CACNB4: variants seen among roughly 807,000 people sequenced by gnomAD.
CACNB4 encodes the protein calcium voltage-gated channel auxiliary subunit beta 4, also known as voltage-dependent L-type calcium channel subunit beta-4.
Under a neutral mutation model 71.2 loss-of-function variants are expected in CACNB4, and 32 were observed. The ratio of observed to expected loss-of-function variants is 0.45; its 90% CI spans 0.34 to 0.60. The LOEUF (loss-of-function observed/expected upper bound fraction) is 0.60. Ranked by LOEUF, CACNB4 falls within the 20% of genes least tolerant of loss-of-function variation. The pLI is 0.01. For missense variants in CACNB4, 464 were observed against 647.9 expected (o/e 0.72, Z 3.08); for synonymous variants, 231 against 236.9 (o/e 0.97, Z 0.23).
chr2:151,952,634 C>T (rs1418656915), intron 2 of CACNB4, among the ~76,000 whole-genome samples: 1 of 152,104 alleles, frequency 6.6e-6, no homozygotes, highest in Non-Finnish European at 1.5e-5. Context: ...ATAATGGGAC[C>T]CGAGAAGCAG....
At chr2:151,937,563 C>G (rs892399683) in intron 2 of CACNB4, among the ~76,000 whole-genome samples, 2 of 152,136 alleles carry the variant, frequency 1.3e-5, no homozygotes, top group Admixed American at 1.3e-4. Flanking sequence ...GGTACCAGCT[C>G]AGAAATCAGA....
At chr2:151,971,858 C>A in intron 2 of CACNB4, 1 of 482,756 alleles carries the variant, frequency 2.1e-6, no homozygotes, top group Non-Finnish European at 3.8e-6. Context: ...TGCCCAACTC[C>A]ACTCCTCATG....
At chr2:151,845,658 G>C (rs1302320164) in intron 12 of CACNB4, among the ~76,000 whole-genome samples, 1 of 152,244 alleles carries the variant, frequency 6.6e-6, no homozygotes, top group African/African-American at 2.4e-5. Flanking sequence ...ATCAGCAGAA[G>C]TCCCGGGCAG....
chr2:151,962,290 T>C (rs1339329340), intron 2 of CACNB4, among the ~76,000 whole-genome samples: 2 of 152,226 alleles, frequency 1.3e-5, no homozygotes, highest in Non-Finnish European at 2.9e-5. Context: ...TTACTAGCCA[T>C]GGGGGTACAG....
intron 2 of CACNB4, chr2:151,973,820 G>A: frequency 6.6e-7 from 1 of 1,518,718 alleles, no homozygotes. Context: ...AACTGCGCCT[G>A]CCTTATCAAT....
intron 4 of CACNB4, among the ~76,000 whole-genome samples, chr2:151,876,921 A>G (rs1474487539): frequency 6.8e-6 from 1 of 146,868 alleles, no homozygotes; most frequent in Non-Finnish European, 1.5e-5. Context: ...GTATATATGT[A>G]TATATCTATA....
intron 2 of CACNB4, among the ~76,000 whole-genome samples, chr2:151,919,792 G>T (rs1428271022): frequency 1.3e-5 from 2 of 152,102 alleles, no homozygotes; most frequent in Non-Finnish European, 2.9e-5. Flanking sequence ...AAATCATTAA[G>T]ACTGGATCCA....
rs554661000 is a variant in CACNB4, at chr2:152,080,324, T to C, written c.147+18006A>G. 3.3e-5 allele frequency among the ~76,000 whole-genome samples: 5 copies of C among 152,234 alleles called. No homozygotes were observed. The South Asian group carries it at 8.3e-4, about 25-fold the overall frequency. On this transcript the variant is annotated intron_variant, in intron 2 of 13. Coordinates refer to ENST00000539935, the MANE Select transcript of CACNB4 (RefSeq NM_000726.5). ...TTTTAGTAGAGACAGGGTTTCACTA[T>C]GTTAGTCAGGATGGTCTTGAACTCC...
intron 12 of CACNB4, among the ~76,000 whole-genome samples, chr2:151,847,833 C>T (rs987532120): frequency 1.3e-5 from 2 of 152,156 alleles, no homozygotes; most frequent in African/African-American, 2.4e-5. Context: ...CTGCAGTGAG[C>T]TCCGATCGCG....
At chr2:151,855,830 C>T (rs547500088) in intron 10 of CACNB4, among the ~76,000 whole-genome samples, 176 of 152,256 alleles carry the variant, frequency 1.2e-3, no homozygotes, top group African/African-American at 4.0e-3. Context: ...GGACATGCTT[C>T]TTTTAAAAAA....
chr2:151,897,571 G>C (rs1379908065), intron 2 of CACNB4, among the ~76,000 whole-genome samples: 1 of 152,188 alleles, frequency 6.6e-6, no homozygotes, highest in Non-Finnish European at 1.5e-5. Context: ...AAGTCTGACA[G>C]AGAAGCTATA....
intron 9 of CACNB4, chr2:151,861,028 A>C (rs949942603): frequency 5.6e-6 from 3 of 533,720 alleles, no homozygotes; most frequent in Non-Finnish European, 9.8e-6. Flanking sequence ...ACTGTTTCAC[A>C]CACAAAAAAA....
chr2:152,079,191 C>T (rs1687205524), intron 2 of CACNB4, among the ~76,000 whole-genome samples: 1 of 152,060 alleles, frequency 6.6e-6, no homozygotes, highest in Admixed American at 6.6e-5. Context: ...CAGGTTCACG[C>T]CATTCTCCTG....
intron 2 of CACNB4, among the ~76,000 whole-genome samples, chr2:151,921,998 T>C (rs1426529041): frequency 6.6e-6 from 1 of 152,116 alleles, no homozygotes; most frequent in Non-Finnish European, 1.5e-5. Context: ...CTCAGGTAGT[T>C]CTTTATAGCA....
intron 9 of CACNB4, chr2:151,867,458 T>C (rs1300999561): frequency 6.6e-6 from 1 of 152,236 alleles, no homozygotes; most frequent in Non-Finnish European, 1.5e-5. Context: ...ATTGTGGTTA[T>C]TGGAGAAATG....
At chr2:152,067,388 T>TGTG (rs879788448) in intron 2 of CACNB4, among the ~76,000 whole-genome samples, 2 of 137,150 alleles carry the variant, frequency 1.5e-5, no homozygotes, top group African/African-American at 5.8e-5. Context: ...TGTGTGTGTG[T>TGTG]GGGGGGGGGG....
chr2:151,937,063 T>C (rs779420859), intron 2 of CACNB4, among the ~76,000 whole-genome samples: 3 of 152,228 alleles, frequency 2.0e-5, no homozygotes, highest in Non-Finnish European at 4.4e-5. Flanking sequence ...TCAGTAGTCA[T>C]GGAAAAGGCA....
At chr2:151,867,291 A>G (rs1435671980) in intron 9 of CACNB4, 1 of 152,250 alleles carries the variant, frequency 6.6e-6, no homozygotes, top group Non-Finnish European at 1.5e-5. Context: ...AGGGACCTGC[A>G]TGAGGGTTAG....
chr2:151,984,660 T>C (rs1681235944), intron 2 of CACNB4, among the ~76,000 whole-genome samples: 1 of 152,126 alleles, frequency 6.6e-6, no homozygotes, highest in Non-Finnish European at 1.5e-5. Context: ...GATGGTTGTG[T>C]TTACTTCATT....
Sources: allele counts gnomAD v4.1 joint callset (sites outside exome capture counted in the v4.1 genomes callset), GRCh38; gene constraint gnomAD v4.1.1; transcripts MANE v1.5; gene names NCBI Gene and HGNC (gene_info 2026-07-23, HGNC 2026-07-21).